The following ELAPOR1 variants were observed in gnomAD, a reference collection of about 807,000 sequenced individuals.
ELAPOR1 encodes the protein endosome/lysosome-associated apoptosis and autophagy regulator 1.
ELAPOR1 carries 77 observed loss-of-function variants against 119.7 expected under a neutral mutation model. That is an observed-to-expected ratio of 0.64 (90% CI 0.54 to 0.78). ELAPOR1 has a LOEUF of 0.78. ELAPOR1 is among the 30% of genes least tolerant of loss of function. The pLI is 0.00. For missense variants in ELAPOR1, 1,115 were observed against 1,270.4 expected, an observed-to-expected ratio of 0.88 and a Z score of 1.86; for synonymous variants, 481 against 487.2, an observed-to-expected ratio of 0.99 and a Z score of 0.17.
In ELAPOR1 at chr1:109,197,467, C is replaced by T; in HGVS notation, c.2122-7C>T. On this transcript the variant is annotated splice_polypyrimidine_tract_variant and splice_region_variant and intron_variant, in intron 15 of 21. Coordinates refer to ENST00000369939, the MANE Select transcript of ELAPOR1 (RefSeq NM_020775.5). ...TTCCTACTTCTTCCTCCCCACTCCC[C>T]AACCAGGGTAGGAAAATGTCTGTGT... 2 of 1,612,778 alleles carry T rather than the reference C, an allele frequency of 1.2e-6. No homozygotes were observed. The highest frequency in any genetic ancestry group is 2.2e-5 in the East Asian group (1 of 44,852).
At position 109,194,472 on chromosome 1, in the gene ELAPOR1, A is replaced by C. The variant is rs752783415; in HGVS notation, c.1999A>C (p.Arg667=). ...DCTFSRNTPT[R]TFNYNFSALA... ...CACCTTCTCACGCAACACTCCGACC[A>C]GGACTTTCAACTACAACTTCTCCGC... Residue 667 remains arginine, a synonymous_variant, in exon 15 of 22, where the codon AGG becomes CGG. Coordinates refer to ENST00000369939, the MANE Select transcript of ELAPOR1 (RefSeq NM_020775.5). 25 of 1,613,658 alleles carry C rather than the reference A, an allele frequency of 1.5e-5. No individual in the cohort carries two copies. Among genetic ancestry groups the C allele is most frequent in the Non-Finnish European group, 1.7e-6 (2 of 1,179,638 alleles).
Position 109,188,364 on chromosome 1 carries a change from T to A in ELAPOR1, c.1219+10T>A. ...TACTCCAATGGCTCAGGTAACCTCC[T>A]CACCACCCCACTCTCTGCAGCACAT... On this transcript the variant is annotated intron_variant, in intron 9 of 21. Coordinates refer to ENST00000369939, the MANE Select transcript of ELAPOR1 (RefSeq NM_020775.5). 1 of 1,604,292 alleles carries A rather than the reference T, an allele frequency of 6.2e-7. No individual in the cohort carries two copies.
Position 109,185,084 on chromosome 1 carries a change from C to G in ELAPOR1, c.992C>G (p.Thr331Arg), listed in dbSNP as rs759646046. 1 of 1,613,938 alleles carries G rather than the reference C, an allele frequency of 6.2e-7. No homozygotes were observed. Among genetic ancestry groups the G allele is most frequent in the Middle Eastern group, 1.6e-4 (1 of 6,062 alleles). The change falls in exon 8 of 22, where the codon ACA becomes AGA. Residue 331 changes from threonine (T) to arginine (R), a missense_variant. By Grantham distance (71) the Thr-to-Arg change is moderately conservative. Coordinates refer to ENST00000369939, the MANE Select transcript of ELAPOR1 (RefSeq NM_020775.5). ...SSSCNVRPACTDKDYFYTHTA... is the reference protein window; with the variant it reads ...SSSCNVRPACRDKDYFYTHTA... Reference sequence around the variant, plus strand: ...TCCTGTAACGTGCGCCCAGCTTGCACAGACAAAGATTATTTCTACACACAC... The same window carrying G: ...TCCTGTAACGTGCGCCCAGCTTGCAGAGACAAAGATTATTTCTACACACAC...
At chr1:109,172,808 TC>T (rs1392802545) in intron 5 of ELAPOR1, among the ~76,000 whole-genome samples, 6 of 152,048 alleles carry the variant, frequency 3.9e-5, no homozygotes, top group Non-Finnish European at 5.9e-5. Context: ...TAAGACTGGG[TC>T]TTCTGCCGGG....
At position 109,189,671 on chromosome 1, in the gene ELAPOR1, G is replaced by A. The variant is rs771584263; in HGVS notation, c.1428G>A (p.Val476=). Residue 476 remains valine (V), a synonymous_variant, in exon 11 of 22, where the codon GTG becomes GTA. Transcript: ENST00000369939. ...ACTTCATGATTCTCACTCTGGTTGT[G>A]CCAGGATTTAGGTGAGGAATCCAAA... ...DNDFMILTLV[V]PGFRPPQSVM... 1.9e-6 allele frequency: 3 copies of A among 1,614,014 alleles called. No homozygotes were observed. Among genetic ancestry groups the A allele is most frequent in the Non-Finnish European group, 2.5e-6 (3 of 1,179,922 alleles).
At chr1:109,199,611 A>G (rs894626005) in intron 18 of ELAPOR1, among the ~76,000 whole-genome samples, 1 of 152,240 alleles carries the variant, frequency 6.6e-6, no homozygotes, top group African/African-American at 2.4e-5. Flanking sequence ...AGCTCTCATA[A>G]GATGTCAGCA....
intron 2 of ELAPOR1, among the ~76,000 whole-genome samples, chr1:109,164,283 T>C (rs1010764689): frequency 3.3e-5 from 5 of 151,996 alleles, no homozygotes; most frequent in African/African-American, 9.7e-5. Context: ...TCCATACAAA[T>C]AGAATGACAC....
At chr1:109,161,602 T>C (rs1651262178) in intron 1 of ELAPOR1, 1 of 214,606 alleles carries the variant, frequency 4.7e-6, no homozygotes, top group Non-Finnish European at 9.4e-6. Context: ...GTTCCTTAGT[T>C]ACCTTTCCCA....
chr1:109,187,370 C>G, intron 8 of ELAPOR1: 1 of 985,600 alleles, frequency 1.0e-6, no homozygotes, highest in South Asian at 4.7e-5. Context: ...GAGCCCAGGG[C>G]TCCCCATCAG....
intron 21 of ELAPOR1, 97 bp from the exon 22 acceptor site, chr1:109,202,847 A>T: frequency 8.7e-7 from 1 of 1,150,950 alleles, no homozygotes; most frequent in Non-Finnish European, 1.3e-6. Flanking sequence ...CAGGAATTTC[A>T]TAAGGGTTCC....
At chr1:109,161,238 C>T (rs866451865) in intron 1 of ELAPOR1, among the ~76,000 whole-genome samples, 3 of 151,606 alleles carry the variant, frequency 2.0e-5, no homozygotes, top group African/African-American at 7.3e-5. Context: ...GGTGAAACCC[C>T]GTCTCTACTA....
intron 5 of ELAPOR1, 66 bp from the exon 6 acceptor site, chr1:109,173,408 G>A (rs1261526217): frequency 1.5e-6 from 2 of 1,318,082 alleles, no homozygotes; most frequent in Non-Finnish European, 2.2e-6. Flanking sequence ...CCAACAAGAG[G>A]CTATACCAAC....
intron 3 of ELAPOR1, among the ~76,000 whole-genome samples, chr1:109,167,617 T>C (rs920054510): frequency 6.6e-6 from 1 of 151,938 alleles, no homozygotes; most frequent in African/African-American, 2.4e-5. Context: ...TTCTTTTTTC[T>C]TTTTTTTAAG....
chr1:109,158,479 C>T (rs575849815), intron 1 of ELAPOR1, among the ~76,000 whole-genome samples: 1 of 152,170 alleles, frequency 6.6e-6, no homozygotes, highest in South Asian at 2.1e-4. Context: ...TTTTCCTCTT[C>T]CTTCTCATGT....
intron 1 of ELAPOR1, among the ~76,000 whole-genome samples, chr1:109,115,702 G>T (rs950357246): frequency 1.3e-4 from 20 of 152,120 alleles, no homozygotes; most frequent in Non-Finnish European, 2.6e-4. Context: ...AGTCAGGTGT[G>T]GGGGGGAGGA....
intron 1 of ELAPOR1, among the ~76,000 whole-genome samples, chr1:109,144,956 T>C (rs565641233): frequency 4.6e-5 from 7 of 152,324 alleles, no homozygotes; most frequent in Non-Finnish European, 7.3e-5. Flanking sequence ...ATATCATGCA[T>C]ATACATAATA....
Position 109,139,333 on chromosome 1 carries a change from C to A in ELAPOR1, c.154-22561C>A, listed in dbSNP as rs191572137. Among the ~76,000 whole-genome samples the A allele has an allele frequency of 1.2e-3, 181 of 151,848 alleles. 4 individuals are homozygous for A. Among genetic ancestry groups the A allele is most frequent in the Admixed American group, 0.012 (178 of 15,224 alleles). ...TCCAGCCTGGGTGACACAGCGAGAC[C>A]TCATCTCAAAAAATAAAAATAAATA... On this transcript the variant is annotated intron_variant, in intron 1 of 21. Transcript: ENST00000369939.
chr1:109,128,003 A>T (rs1648903969), intron 1 of ELAPOR1, among the ~76,000 whole-genome samples: 2 of 151,802 alleles, frequency 1.3e-5, no homozygotes, highest in Non-Finnish European at 2.9e-5. Context: ...CCTCCTGTGC[A>T]GCTGGGATTA....
intron 5 of ELAPOR1, 111 bp from the exon 6 acceptor site, chr1:109,173,363 G>T (rs1652043187): frequency 1.2e-6 from 1 of 838,284 alleles, no homozygotes; most frequent in Non-Finnish European, 2.0e-6. Context: ...AGGGTCAGAA[G>T]AAGCATTACC....
Sources: gnomAD v4.1 joint callset for allele counts (sites outside exome capture counted in the v4.1 genomes callset) on GRCh38, gnomAD v4.1.1 for gene constraint, MANE v1.5 for transcripts, NCBI Gene and HGNC (gene_info 2026-07-23, HGNC 2026-07-21) for gene names.